The following BLM variants were observed in gnomAD, a reference collection of about 807,000 sequenced individuals.
BLM encodes the protein recQ-like DNA helicase BLM.
A neutral mutation model predicts 135.3 loss-of-function variants in BLM; 95 were observed. The ratio of observed to expected loss-of-function variants is 0.70; its 90% CI spans 0.59 to 0.83. BLM has a LOEUF of 0.83. Among genes scored for constraint, BLM ranks in the 40% least tolerant of loss-of-function variants. The pLI is 0.00. For missense variants in BLM, 1,518 were observed against 1,663.9 expected (o/e 0.91, Z 1.53); for synonymous variants, 520 against 589.2 (o/e 0.88, Z 1.70).
rs1236929438 is a variant in BLM, at chr15:90,760,777, T to G, written c.1404T>G (p.Cys468Trp). The stretch of plus-strand genomic sequence containing the variant: ...CAAATTCTGTTTCTCCTGGGGACTG[T>G]TTACTGACTACCACCCTAGGAAAGA... ...LPSNSVSPGD[C>W]LLTTTLGKTG... Residue 468 changes from cysteine to tryptophan, a missense_variant, in exon 7 of 22, where the codon TGT becomes TGG. Transcript: ENST00000355112. The G allele has an allele frequency of 6.2e-7, 1 of 1,614,062 alleles. No homozygotes were observed. Among genetic ancestry groups the G allele is most frequent in the Non-Finnish European group, 8.5e-7 (1 of 1,179,994 alleles).
intron 7 of BLM, among the ~76,000 whole-genome samples, chr15:90,762,085 G>C (rs573856698): frequency 1.1e-4 from 16 of 152,196 alleles, no homozygotes; most frequent in Admixed American, 9.2e-4. Context: ...ACGATTAATG[G>C]ATTTATTTTT....
At chr15:90,791,222 A>G (rs1394509033) in intron 15 of BLM, among the ~76,000 whole-genome samples, 4 of 152,200 alleles carry the variant, frequency 2.6e-5, no homozygotes, top group African/African-American at 7.2e-5. Context: ...ATGAGCTGTC[A>G]TATACTACCA....
chr15:90,725,356 A>G (rs1894881693), intron 1 of BLM, among the ~76,000 whole-genome samples: 1 of 152,214 alleles, frequency 6.6e-6, no homozygotes, highest in African/African-American at 2.4e-5. Flanking sequence ...CATGCTGGCT[A>G]ATACTTTATA....
chr15:90,783,761 C>T (rs1348610782), intron 13 of BLM, among the ~76,000 whole-genome samples: 3 of 152,216 alleles, frequency 2.0e-5, no homozygotes, highest in South Asian at 2.1e-4. Flanking sequence ...CGTGGTGGCA[C>T]GCACCTGTAA....
Position 90,815,161 on chromosome 15 carries a change from C to A in BLM, c.4136C>A (p.Ser1379Tyr). The A allele has an allele frequency of 6.2e-7, 1 of 1,614,194 alleles. No individual in the cohort carries two copies. Residue 1379 changes from serine to tyrosine, a missense_variant, in exon 22 of 22, where the codon TCC (serine) becomes TAC (tyrosine). Ser to Tyr is a moderately radical substitution (Grantham distance 144). Transcript: ENST00000355112. The surrounding 1 kb of genome is among the most constrained non-coding windows in gnomAD (Gnocchi z 4.6). ...SKTKSSSIIG[S>Y]SSASHTSQAT... ...ACGAAATCCTCCAGCATCATTGGATCCAGTTCAGCCTCACATACTTCTCAA... is the reference window on the plus strand; with the variant it reads ...ACGAAATCCTCCAGCATCATTGGATACAGTTCAGCCTCACATACTTCTCAA...
At chr15:90,735,924 A>G (rs1895202844) in intron 1 of BLM, among the ~76,000 whole-genome samples, 1 of 152,212 alleles carries the variant, frequency 6.6e-6, no homozygotes, top group Non-Finnish European at 1.5e-5. Flanking sequence ...AATTGAGAGA[A>G]AAAAATACTA....
Position 90,798,162 on chromosome 15 carries a change from G to A in BLM, c.3211-28G>A, listed in dbSNP as rs750866182. 9 of 1,569,952 alleles carry A rather than the reference G, an allele frequency of 5.7e-6. No individual in the cohort carries two copies. The Admixed American group carries it at 1.2e-4, about 21-fold the overall frequency. On this transcript the variant is annotated intron_variant, in intron 16 of 21. Transcript: ENST00000355112. ...TCTAGGCATTGTTACCTTAATTATA[G>A]CAGAAAGTATTCTCTTTTTATTCAT...
intron 13 of BLM, among the ~76,000 whole-genome samples, chr15:90,783,481 T>C (rs553964260): frequency 6.6e-6 from 1 of 152,216 alleles, no homozygotes; most frequent in Non-Finnish European, 1.5e-5. Flanking sequence ...CTAATGTCAA[T>C]AGCTTCATGT....
intron 12 of BLM, among the ~76,000 whole-genome samples, chr15:90,775,048 G>A (rs1896437053): frequency 1.3e-5 from 2 of 152,176 alleles, no homozygotes; most frequent in African/African-American, 4.8e-5. Flanking sequence ...TAGAGGAGAG[G>A]ATGAGTGAGA....
In BLM at chr15:90,808,391, A is replaced by G. The variant is rs150005540; in HGVS notation, c.3752-746A>G. 3.3e-5 allele frequency among the ~76,000 whole-genome samples: 5 copies of G among 152,344 alleles called. No individual in the cohort carries two copies. The East Asian group carries it at 9.6e-4, about 29-fold the overall frequency. On this transcript the variant is annotated intron_variant, in intron 19 of 21. Coordinates refer to ENST00000355112, the MANE Select transcript of BLM (RefSeq NM_000057.4). ...CAGAGCCAGTGCATCAGTCAGTCCTACAGAGCCAGCCTCCAAAACTCACCC... is the reference window on the plus strand; with the variant it reads ...CAGAGCCAGTGCATCAGTCAGTCCTGCAGAGCCAGCCTCCAAAACTCACCC...
chr15:90,722,361 G>A (rs1388121309), intron 1 of BLM, among the ~76,000 whole-genome samples: 3 of 151,998 alleles, frequency 2.0e-5, no homozygotes, highest in South Asian at 2.1e-4. Context: ...CACCCACCTC[G>A]GCCTCCCAAA....
intron 1 of BLM, among the ~76,000 whole-genome samples, chr15:90,735,931 A>C (rs1207036684): frequency 1.3e-5 from 2 of 152,216 alleles, no homozygotes; most frequent in African/African-American, 2.4e-5. Context: ...AGAAAAAAAT[A>C]CTAAAATTTG....
Position 90,803,737 on chromosome 15 carries a change from G to A in BLM, c.3558+17G>A. The A allele has an allele frequency of 6.2e-7, 1 of 1,611,908 alleles. No homozygotes were observed. Among genetic ancestry groups the A allele is most frequent in the Non-Finnish European group, 8.5e-7 (1 of 1,178,214 alleles). On this transcript the variant is annotated intron_variant, in intron 18 of 21. Coordinates refer to ENST00000355112, the MANE Select transcript of BLM (RefSeq NM_000057.4). Reference sequence around the variant, plus strand: ...AATTTAAAGGTATAGTATTTTTCATGTTTATTTTATTATCTCACAATGAGT... The same window carrying A: ...AATTTAAAGGTATAGTATTTTTCATATTTATTTTATTATCTCACAATGAGT...
chr15:90,747,237 C>CAAAAAAAAAA (rs59331923), intron 1 of BLM, among the ~76,000 whole-genome samples, 152 bp from the exon 2 acceptor site: 11 of 39,254 alleles, frequency 2.8e-4, no homozygotes, highest in African/African-American at 9.5e-4. Context: ...GTCTATTGAC[C>CAAAAAAAAAA]AAAAAAAAAA....
chr15:90,754,794 A>G lies in BLM; in HGVS notation c.960-17A>G. The G allele has an allele frequency of 6.2e-7, 1 of 1,611,152 alleles. No individual in the cohort carries two copies. The highest frequency in any genetic ancestry group is 8.5e-7 in the Non-Finnish European group (1 of 1,178,218). On this transcript the variant is annotated splice_polypyrimidine_tract_variant and intron_variant, in intron 4 of 21. Transcript: ENST00000355112. ...TAGCCTATAGTATGATTGGCTTAAC[A>G]TTTTTTTTATTTGCAGTACGTTAAA...
At chr15:90,754,661 G>A (rs748675505) in intron 4 of BLM, 150 bp from the exon 5 acceptor site, 19 of 911,638 alleles carry the variant, frequency 2.1e-5, no homozygotes, top group African/African-American at 5.0e-5. Context: ...AGCTAAAGAA[G>A]TTTTATAATT....
At chr15:90,810,774 G>A (rs1402489666) in intron 20 of BLM, among the ~76,000 whole-genome samples, 2 of 152,078 alleles carry the variant, frequency 1.3e-5, no homozygotes, top group Admixed American at 1.3e-4. Context: ...TGAGATACAG[G>A]ACCGTTTGTT....
In BLM at chr15:90,772,817, G is replaced by A. The variant is rs115193434; in HGVS notation, c.2555+3231G>A. On this transcript the variant is annotated intron_variant, in intron 12 of 21. Coordinates refer to ENST00000355112, the MANE Select transcript of BLM (RefSeq NM_000057.4). ...AGGAGTAGTTTATTTAAAAGCATAG[G>A]TTGGGCATGGTGACTCACGCCTGTA... 7.7e-3 allele frequency among the ~76,000 whole-genome samples: 1,176 copies of A among 152,254 alleles called. 14 individuals are homozygous for A. Among genetic ancestry groups the A allele is most frequent in the African/African-American group, 0.027 (1,135 of 41,542 alleles).
intron 12 of BLM, among the ~76,000 whole-genome samples, chr15:90,774,212 CTATTTTTG>C (rs980232618): frequency 2.6e-5 from 4 of 150,978 alleles, no homozygotes; most frequent in African/African-American, 4.9e-5. Context: ...GTAGCTGGGA[CTATTTTTG>C]TATTTTTGTA....
Sources: allele counts gnomAD v4.1 joint callset (sites outside exome capture counted in the v4.1 genomes callset), GRCh38; gene constraint gnomAD v4.1.1; non-coding constraint Gnocchi (gnomAD v3.1); transcripts MANE v1.5; gene names NCBI Gene and HGNC (gene_info 2026-07-23, HGNC 2026-07-21).